The following LRRC69 variants were observed in gnomAD, a reference collection of about 807,000 sequenced individuals.
The protein encoded by LRRC69 is leucine-rich repeat-containing protein 69.
A neutral mutation model predicts 37.8 loss-of-function variants in LRRC69; 42 were observed. That is an observed-to-expected ratio of 1.11 (90% confidence interval 0.87 to 1.44). LRRC69 has a LOEUF of 1.44. Ranked by LOEUF, LRRC69 falls within the 40% of genes most tolerant of loss-of-function variation. LRRC69 has a pLI of 0.00. For synonymous variants in LRRC69, 141 were observed against 143.1 expected, an observed-to-expected ratio of 0.99 and a Z score of 0.11; for missense variants, 357 against 401.9, an observed-to-expected ratio of 0.89 and a Z score of 0.96.
intron 6 of LRRC69, among the ~76,000 whole-genome samples, chr8:91,196,291 T>G (rs1321535110): frequency 6.6e-6 from 1 of 151,774 alleles, no homozygotes. Flanking sequence ...TTTCCTTCAT[T>G]TCAAGTTTGG....
intron 6 of LRRC69, among the ~76,000 whole-genome samples, chr8:91,191,257 A>G (rs908676841): frequency 1.7e-4 from 26 of 152,186 alleles, no homozygotes. Flanking sequence ...TCTGTAACAG[A>G]AAAACATCTC....
intron 5 of LRRC69, among the ~76,000 whole-genome samples, chr8:91,180,350 G>T (rs1444850218): frequency 1.3e-5 from 2 of 152,146 alleles, no homozygotes; most frequent in African/African-American, 4.8e-5. Flanking sequence ...TAGCATGTGG[G>T]CTTCTCAACA....
intron 5 of LRRC69, among the ~76,000 whole-genome samples, chr8:91,171,543 T>A (rs908032822): frequency 6.6e-6 from 1 of 151,996 alleles, no homozygotes; most frequent in Admixed American, 6.6e-5. Flanking sequence ...TCTGAGAAAA[T>A]CTTAGAATCA....
chr8:91,144,428 C>G (rs1175702739), intron 5 of LRRC69, among the ~76,000 whole-genome samples: 1 of 151,996 alleles, frequency 6.6e-6, no homozygotes, highest in Non-Finnish European at 1.5e-5. Flanking sequence ...AACTATCTCC[C>G]TGAAGGGGGT....
At chr8:91,191,966 G>C (rs1251030630) in intron 6 of LRRC69, among the ~76,000 whole-genome samples, 2 of 150,900 alleles carry the variant, frequency 1.3e-5, no homozygotes. Flanking sequence ...TCTAGCATTA[G>C]GTATATCTCC....
At position 91,213,050 on chromosome 8, in the gene LRRC69, C is replaced by G. The variant is rs554871931; in HGVS notation, c.934-5840C>G. Among the ~76,000 whole-genome samples, 272 of 152,150 alleles carry G rather than the reference C, an allele frequency of 1.8e-3. 2 individuals carry two copies. The highest frequency in any genetic ancestry group is 6.4e-3 in the African/African-American group (265 of 41,500). ...TATAATTTTTTTTCTTCTAAATAAT[C>G]TTACATTTTATTGAGCTTTAGTTTA... On this transcript the variant is annotated intron_variant, in intron 7 of 7. Transcript: ENST00000448384.
chr8:91,135,641 ATC>A (rs755206077), intron 4 of LRRC69, 25 bp from the exon 5 acceptor site: 7 of 1,340,070 alleles, frequency 5.2e-6, no homozygotes, highest in East Asian at 2.8e-5. Flanking sequence ...GATTTAAAAA[ATC>A]TCTCTCTTCT....
chr8:91,159,201 G>A (rs1402611598), intron 5 of LRRC69, among the ~76,000 whole-genome samples: 1 of 151,112 alleles, frequency 6.6e-6, no homozygotes, highest in Non-Finnish European at 1.5e-5. Flanking sequence ...TATGAGGGAA[G>A]GAAATAAAAC....
At chr8:91,138,033 C>A (rs535920054) in intron 5 of LRRC69, among the ~76,000 whole-genome samples, 1 of 152,102 alleles carries the variant, frequency 6.6e-6, no homozygotes, top group South Asian at 2.1e-4. Flanking sequence ...CAAGTTGCTT[C>A]ATTTCTCAGA....
chr8:91,143,452 T>G (rs189164781), intron 5 of LRRC69, among the ~76,000 whole-genome samples: 22 of 152,204 alleles, frequency 1.4e-4, no homozygotes, highest in African/African-American at 5.3e-4. Flanking sequence ...GTCACTGCTT[T>G]CTTTCAGTTT....
rs142105360 is a variant in LRRC69 at position 91,160,353 on chromosome 8, A to G, written c.651+24614A>G. ...GTCATCTGCAAATAGGGACAATTTG[A>G]CTTCTTGTTTCTTAATTTCATTCCT... On this transcript the variant is annotated intron_variant, in intron 5 of 7. Coordinates refer to ENST00000448384, the Ensembl canonical transcript of LRRC69. 3.1e-3 allele frequency among the ~76,000 whole-genome samples: 458 copies of G among 149,550 alleles called. 4 individuals carry two copies. The highest frequency in any genetic ancestry group is 0.01 in the Middle Eastern group (3 of 294).
chr8:91,161,991 T>C (rs1043553208), intron 5 of LRRC69, among the ~76,000 whole-genome samples: 1 of 151,476 alleles, frequency 6.6e-6, no homozygotes, highest in Non-Finnish European at 1.5e-5. Context: ...TTAAAAGTTT[T>C]CTTCTTAATT....
intron 5 of LRRC69, among the ~76,000 whole-genome samples, chr8:91,158,933 C>T (rs1351742026): frequency 1.3e-5 from 2 of 151,180 alleles, no homozygotes; most frequent in Non-Finnish European, 3.0e-5. Context: ...ATGGAAACAT[C>T]AACAGACTAT....
chr8:91,151,834 A>G (rs1808743767), intron 5 of LRRC69, among the ~76,000 whole-genome samples: 1 of 151,472 alleles, frequency 6.6e-6, no homozygotes, highest in Non-Finnish European at 1.5e-5. Context: ...AATAATTGCC[A>G]TTCTGACTTT....
chr8:91,185,810 C>G (rs1013692899), intron 5 of LRRC69, among the ~76,000 whole-genome samples: 1 of 152,062 alleles, frequency 6.6e-6, no homozygotes, highest in Admixed American at 6.6e-5. Context: ...CCAGTTCTCA[C>G]TAAAGAGTAA....
chr8:91,142,565 C>G (rs550133206), intron 5 of LRRC69, among the ~76,000 whole-genome samples: 18 of 152,120 alleles, frequency 1.2e-4, no homozygotes, highest in South Asian at 8.3e-4. Context: ...GCATCAGAAT[C>G]CCCTGGATGC....
Position 91,157,689 on chromosome 8 carries a change from C to T in LRRC69, c.651+21950C>T, listed in dbSNP as rs182061948. On this transcript the variant is annotated intron_variant, in intron 5 of 7. Transcript: ENST00000448384. Reference sequence around the variant, plus strand: ...GCCTTACAGCTAGCTGATCATTACACAGGCGGCATGAAGCAAAAATATACT... The same window carrying T: ...GCCTTACAGCTAGCTGATCATTACATAGGCGGCATGAAGCAAAAATATACT... 3,663 of 1,596,674 alleles carry T rather than the reference C, an allele frequency of 2.3e-3. 8 individuals are homozygous for T. The highest frequency in any genetic ancestry group is 2.7e-3 in the Non-Finnish European group (3,116 of 1,167,358).
intron 5 of LRRC69, chr8:91,158,106 C>A: frequency 6.5e-7 from 1 of 1,543,564 alleles, no homozygotes; most frequent in Admixed American, 1.7e-5. Context: ...GAGAGTTCTA[C>A]ATTTATTCCA....
intron 6 of LRRC69, among the ~76,000 whole-genome samples, chr8:91,199,193 GTATT>G (rs1289402603): frequency 1.3e-5 from 2 of 152,168 alleles, no homozygotes; most frequent in Non-Finnish European, 2.9e-5. Flanking sequence ...TATAAAATCA[GTATT>G]TATTTAAGAA....
Sources: allele counts gnomAD v4.1 joint callset (sites outside exome capture counted in the v4.1 genomes callset), GRCh38; gene constraint gnomAD v4.1.1; transcripts MANE v1.5; gene names NCBI Gene and HGNC (gene_info 2026-07-23, HGNC 2026-07-21).